Variants in ELOVL4 observed in about 807,000 individuals in gnomAD.
ELOVL4 encodes very long chain fatty acid elongase 4.
Under a neutral mutation model 42.1 loss-of-function variants are expected in ELOVL4, and 18 were observed. The ratio of observed to expected loss-of-function variants is 0.43; its 90% CI spans 0.30 to 0.63. The LOEUF is 0.63. Ranked by LOEUF, ELOVL4 falls within the 30% of genes least tolerant of loss-of-function variation. The probability of loss-of-function intolerance (pLI) is 0.15; values close to 1 mark genes in which losing one functional copy is unlikely to be tolerated. For synonymous variants in ELOVL4, 117 were observed against 127.0 expected (o/e 0.92, Z 0.53); for missense variants, 299 against 376.2 (o/e 0.79, Z 1.70).
chr6:79,918,104 CTCTTT>C (rs1774190961), intron 5 of ELOVL4, among the ~76,000 whole-genome samples: 1 of 152,040 alleles, frequency 6.6e-6, no homozygotes, highest in Admixed American at 6.6e-5. Context: ...ATTGTGGTTT[CTCTTT>C]TAAGGATAGC....
chr6:79,942,069 T>C (rs1774656474), intron 1 of ELOVL4, among the ~76,000 whole-genome samples: 1 of 152,122 alleles, frequency 6.6e-6, no homozygotes, highest in South Asian at 2.1e-4. Flanking sequence ...AAAAGGTATC[T>C]GGAGAGGTAA....
At chr6:79,946,513 C>T (rs1322455923) in intron 1 of ELOVL4, among the ~76,000 whole-genome samples, 3 of 152,196 alleles carry the variant, frequency 2.0e-5, no homozygotes, top group African/African-American at 7.2e-5. Flanking sequence ...GCCTCCCCCT[C>T]CCCCTGACTG....
intron 1 of ELOVL4, among the ~76,000 whole-genome samples, chr6:79,938,884 G>C (rs1018680489): frequency 1.3e-5 from 2 of 152,224 alleles, no homozygotes; most frequent in African/African-American, 4.8e-5. Context: ...CTTGGCTAGT[G>C]TGACGGGAAG....
chr6:79,924,455 T>C (rs148130165), intron 3 of ELOVL4, among the ~76,000 whole-genome samples: 3 of 152,304 alleles, frequency 2.0e-5, no homozygotes, highest in East Asian at 3.9e-4. Context: ...ATTTTTGAGA[T>C]ACAAAAACAA....
At chr6:79,939,268 T>C (rs1467957362) in intron 1 of ELOVL4, among the ~76,000 whole-genome samples, 3 of 152,120 alleles carry the variant, frequency 2.0e-5, no homozygotes, top group African/African-American at 7.2e-5. Flanking sequence ...TTTTATAATA[T>C]ATGAAATTCT....
chr6:79,931,889 T>C (rs1223483352), intron 1 of ELOVL4, among the ~76,000 whole-genome samples: 2 of 152,240 alleles, frequency 1.3e-5, no homozygotes, highest in Non-Finnish European at 2.9e-5. Context: ...TTGTCTCCTT[T>C]GGTAATGGGT....
chr6:79,943,891 A>G (rs954735044), intron 1 of ELOVL4, among the ~76,000 whole-genome samples: 2 of 152,220 alleles, frequency 1.3e-5, no homozygotes, highest in African/African-American at 4.8e-5. Flanking sequence ...TCTAACTGCA[A>G]CTACCAAGTA....
chr6:79,926,936 G>A (rs1421589587), intron 1 of ELOVL4, among the ~76,000 whole-genome samples: 1 of 152,168 alleles, frequency 6.6e-6, no homozygotes, highest in Admixed American at 6.5e-5. Context: ...ATTCTATAAT[G>A]TAAACAGTCA....
At chr6:79,921,854 A>T in intron 3 of ELOVL4, 58 bp from the exon 4 acceptor site, 2 of 1,527,722 alleles carry the variant, frequency 1.3e-6, no homozygotes, top group Non-Finnish European at 1.8e-6. Context: ...ATGGGTTTAT[A>T]CTCATTGTAA....
rs1774768627 is a variant in ELOVL4, at chr6:79,947,350, T to TGGCGGC, written c.-77_-72dup. 7.8e-7 allele frequency: 1 copy of TGGCGGC among 1,275,858 alleles called. No individual in the cohort carries two copies. The highest frequency in any genetic ancestry group is 1.5e-5 in the African/African-American group (1 of 68,096). 79.0% of individuals were successfully genotyped at this position (1,275,858 alleles called of 1,614,324 possible). A position where few individuals can be genotyped will look rare whatever the true frequency, so the allele number is the denominator to read the frequency against. On this transcript the variant is annotated 5_prime_UTR_variant, in exon 1 of 6. Transcript: ENST00000369816. ...GAGAGAGGGCTGACCCCGGAGGCGGTGGCGGCCGACGGGGCGAGCGGCGGC... is the reference window on the plus strand; with the variant it reads ...GAGAGAGGGCTGACCCCGGAGGCGGTGGCGGCGGCGGCCGACGGGGCGAGCGGCGGC...
intron 1 of ELOVL4, among the ~76,000 whole-genome samples, chr6:79,942,213 C>T (rs1478013377): frequency 6.6e-6 from 1 of 152,242 alleles, no homozygotes; most frequent in East Asian, 1.9e-4. Context: ...CAGGGGAATA[C>T]TGAAGGATCA....
At position 79,926,209 on chromosome 6, in the gene ELOVL4, G is replaced by C. The variant is rs762598733; in HGVS notation, c.273C>G (p.Leu91=). 29 of 1,613,382 alleles carry C rather than the reference G, an allele frequency of 1.8e-5. 1 individual carries two copies. The Admixed American group carries it at 2.7e-4, about 15-fold the overall frequency. ...IYNFGMVLLN[L]FIFRELFMGS... is the part of the protein sequence containing the mutation. ...AAAAACATACCTCTCTGAAGATAAA[G>C]AGGTTAAGCAAAACCATCCCAAAAT... The change falls in exon 2 of 6, where the codon CTC becomes CTG. Residue 91 remains leucine, a synonymous_variant. Transcript: ENST00000369816.
chr6:79,947,100 C>T (rs1774758828), intron 1 of ELOVL4, 80 bp downstream of exon 1: 1 of 1,212,638 alleles, frequency 8.2e-7, no homozygotes, highest in Non-Finnish European at 1.2e-6. Context: ...CCTGTGGGGC[C>T]GGGCCCGGGA....
intron 4 of ELOVL4, among the ~76,000 whole-genome samples, chr6:79,920,703 C>T (rs1774238135): frequency 6.6e-6 from 1 of 152,116 alleles, no homozygotes; most frequent in African/African-American, 2.4e-5. Context: ...AAAGATGTCA[C>T]CCGTGTGGAC....
At position 79,924,967 on chromosome 6, in the gene ELOVL4, A is replaced by G. The variant is rs145101578; in HGVS notation, c.354T>C (p.Asn118=). The part of the protein sequence containing the change: ...YICQSVDYSN[N]VHEVRIAAAL... ...ATGTACTTACCCTGACTTCATGAACATTATTAGAATAATCCACACTCTGGC... is the reference window on the plus strand; with the variant it reads ...ATGTACTTACCCTGACTTCATGAACGTTATTAGAATAATCCACACTCTGGC... The change falls in exon 3 of 6, where the codon AAT becomes AAC. Residue 118 remains asparagine, a synonymous_variant. Coordinates refer to ENST00000369816, the MANE Select transcript of ELOVL4 (RefSeq NM_022726.4). 2 of 1,604,028 alleles carry G rather than the reference A, an allele frequency of 1.2e-6. No individual in the cohort carries two copies. Among genetic ancestry groups the G allele is most frequent in the Non-Finnish European group, 8.5e-7 (1 of 1,170,980 alleles).
intron 3 of ELOVL4, 108 bp downstream of exon 3, chr6:79,924,844 G>A: frequency 1.3e-6 from 1 of 745,712 alleles, no homozygotes; most frequent in Non-Finnish European, 2.4e-6. Flanking sequence ...CTAAATGAAT[G>A]TTAAAGAAAC....
intron 1 of ELOVL4, among the ~76,000 whole-genome samples, chr6:79,927,716 G>A (rs1250879316): frequency 6.6e-6 from 1 of 152,118 alleles, no homozygotes; most frequent in Non-Finnish European, 1.5e-5. Flanking sequence ...GGAAAAAAAG[G>A]TGATAATGAC....
chr6:79,942,205 G>A (rs1417717260), intron 1 of ELOVL4, among the ~76,000 whole-genome samples: 2 of 152,172 alleles, frequency 1.3e-5, no homozygotes, highest in Non-Finnish European at 2.9e-5. Flanking sequence ...TCTTTGGGCA[G>A]GGGAATACTG....
intron 1 of ELOVL4, among the ~76,000 whole-genome samples, chr6:79,933,145 C>A (rs1774478841): frequency 6.6e-6 from 1 of 152,092 alleles, no homozygotes; most frequent in African/African-American, 2.4e-5. Context: ...CTGTGATGAT[C>A]CCCTAGGAGG....
Sources: gnomAD v4.1 joint callset for allele counts (sites outside exome capture counted in the v4.1 genomes callset) on GRCh38, gnomAD v4.1.1 for gene constraint, MANE v1.5 for transcripts, NCBI Gene and HGNC (gene_info 2026-07-23, HGNC 2026-07-21) for gene names.